UTP6: variants seen among roughly 807,000 people sequenced by gnomAD.
The protein encoded by UTP6 is UTP6 small subunit processome component.
UTP6 carries 60 observed loss-of-function variants against 96.5 expected under a neutral mutation model. The ratio of observed to expected loss-of-function variants is 0.62; its 90% CI spans 0.51 to 0.77. The LOEUF (loss-of-function observed/expected upper bound fraction) is 0.77. Among genes scored for constraint, UTP6 ranks in the 30% least tolerant of loss-of-function variants. UTP6 has a pLI of 0.00. For synonymous variants in UTP6, 215 were observed against 240.1 expected, an observed-to-expected ratio of 0.90 and a Z score of 0.96; for missense variants, 637 against 706.5, an observed-to-expected ratio of 0.90 and a Z score of 1.12.
At chr17:31,871,020 T>C (rs1197172688) in intron 16 of UTP6, among the ~76,000 whole-genome samples, 1 of 145,542 alleles carries the variant, frequency 6.9e-6, no homozygotes, top group Non-Finnish European at 1.5e-5. Context: ...GATGGAGTCT[T>C]GCTCTGTCGC....
At chr17:31,882,451 G>T (rs1910901353) in intron 10 of UTP6, among the ~76,000 whole-genome samples, 1 of 151,662 alleles carries the variant, frequency 6.6e-6, no homozygotes, top group Admixed American at 6.6e-5. Flanking sequence ...CTCCTGAGTA[G>T]CTGGGATTAC....
chr17:31,875,251 CA>C lies in UTP6; in HGVS notation c.1287del (p.Phe429LeufsTer4), dbSNP rs757639933. ...PDIAMLFEEA[F>X]VHLKPQVCLP... ...TCACTGACCTGGGGTTTCAGGTGCA[CA>C]AAGGCTTCTTCAAAAAGCATGGCTA... On this transcript the variant is annotated frameshift_variant, in exon 14 of 19. Transcript: ENST00000261708. LOFTEE classifies it high-confidence loss of function. 2.5e-6 allele frequency: 4 copies of C among 1,613,998 alleles called. No individual in the cohort carries two copies. Among genetic ancestry groups the C allele is most frequent in the South Asian group, 2.2e-5 (2 of 91,074 alleles).
rs1904972687 is a variant in UTP6 at position 31,901,422 on chromosome 17, CCACGT to C, written c.92+109_92+113del. 4.1e-6 allele frequency: 4 copies of C among 973,200 alleles called. No homozygotes were observed. The Admixed American group carries it at 8.6e-5, about 21-fold the overall frequency. 60.3% of individuals were successfully genotyped at this position (973,200 alleles called of 1,614,324 possible). A position where few individuals can be genotyped will look rare whatever the true frequency, so the allele number is the denominator to read the frequency against. On this transcript the variant is annotated intron_variant, in intron 1 of 18. Transcript: ENST00000261708. ...ACCGAAAACGAGAAATGGGCTTCCA[CCACGT>C]TAGGAAAAGTAAACACAGGTCGAGC...
intron 13 of UTP6, among the ~76,000 whole-genome samples, chr17:31,876,707 CAG>C (rs2142300013): frequency 6.6e-6 from 1 of 150,618 alleles, no homozygotes; most frequent in East Asian, 2.0e-4. Context: ...GCTCACCAAA[CAG>C]AGGATGAAAA....
At chr17:31,878,145 T>C (rs1240103532) in intron 13 of UTP6, 105 bp downstream of exon 13, 5 of 1,107,330 alleles carry the variant, frequency 4.5e-6, no homozygotes, top group East Asian at 5.0e-5. Flanking sequence ...AACTCCCAAG[T>C]GGCCTTCATC....
In UTP6 at chr17:31,863,472, C is replaced by G. The variant is rs778282945; in HGVS notation, c.1681G>C (p.Gly561Arg). The G allele has an allele frequency of 1.4e-5, 22 of 1,613,274 alleles. No homozygotes were observed. Among genetic ancestry groups the G allele is most frequent in the Admixed American group, 1.2e-4 (7 of 59,874 alleles). ...ATCTGTCCACAGTTCTCAGGTCTAC[C>G]AAGGGGGTGGTTCAATTCTTCTTTC... The part of the protein sequence containing the change: ...YMKEELNHPL[G>R]RPENCGQIYW... Residue 561 changes from glycine (G) to arginine (R), a missense_variant, in exon 19 of 19, where the codon GGT (glycine) becomes CGT (arginine). By Grantham distance (125) the Gly-to-Arg change is moderately radical. Coordinates refer to ENST00000261708, the MANE Select transcript of UTP6 (RefSeq NM_018428.3).
At chr17:31,880,911 C>T (rs970995695) in intron 10 of UTP6, among the ~76,000 whole-genome samples, 157 bp from the exon 11 acceptor site, 2 of 152,314 alleles carry the variant, frequency 1.3e-5, no homozygotes, top group African/African-American at 4.8e-5. Flanking sequence ...CGGTGGCTCA[C>T]GCCACTGGGA....
intron 6 of UTP6, among the ~76,000 whole-genome samples, chr17:31,891,533 T>C (rs536885127): frequency 2.7e-4 from 41 of 152,260 alleles, no homozygotes; most frequent in Non-Finnish European, 5.4e-4. Flanking sequence ...CCCTCCACTA[T>C]CAACTAGACC....
chr17:31,867,075 A>G (rs1010024223), intron 17 of UTP6, among the ~76,000 whole-genome samples: 11 of 152,170 alleles, frequency 7.2e-5, no homozygotes, highest in African/African-American at 2.2e-4. Flanking sequence ...TCCTTTACAG[A>G]TGAGGATGGG....
chr17:31,880,357 G>C (rs1910749618), intron 11 of UTP6: 1 of 506,120 alleles, frequency 2.0e-6, no homozygotes, highest in South Asian at 2.2e-5. Context: ...GGAGGTGGAG[G>C]TTGCAGTGAG....
intron 7 of UTP6, chr17:31,888,179 C>T (rs1441803799): frequency 6.6e-6 from 1 of 150,882 alleles, no homozygotes; most frequent in Non-Finnish European, 1.5e-5. Flanking sequence ...GAAAAGGAGA[C>T]AGAAAGAACA....
At chr17:31,893,820 G>A (rs192030486) in intron 4 of UTP6, among the ~76,000 whole-genome samples, 5 of 150,282 alleles carry the variant, frequency 3.3e-5, no homozygotes, top group East Asian at 3.9e-4. Context: ...AAAGGCCTCC[G>A]ATCTCTTAAC....
At position 31,861,954 on chromosome 17, in the gene UTP6, A is replaced by C. The variant is rs193056815; in HGVS notation, c.*1405T>G. ...TGGCCAGGGATGTGAACAAAGATTGACAAGAATCTTCATCAACAGCATTTA... is the reference window on the plus strand; with the variant it reads ...TGGCCAGGGATGTGAACAAAGATTGCCAAGAATCTTCATCAACAGCATTTA... On this transcript the variant is annotated 3_prime_UTR_variant, in exon 19 of 19. Coordinates refer to ENST00000261708, the MANE Select transcript of UTP6 (RefSeq NM_018428.3). The C allele has an allele frequency of 6.6e-6, 1 of 152,330 alleles. No homozygotes were observed. Among genetic ancestry groups the C allele is most frequent in the Non-Finnish European group, 1.5e-5 (1 of 68,036 alleles). 9.4% of individuals were successfully genotyped at this position (152,330 alleles called of 1,614,324 possible).
intron 6 of UTP6, among the ~76,000 whole-genome samples, chr17:31,890,796 G>A (rs1214979001): frequency 6.6e-6 from 1 of 151,570 alleles, no homozygotes; most frequent in East Asian, 2.0e-4. Context: ...AGACCAGTCT[G>A]GCCAACATGG....
At chr17:31,870,841 G>A (rs1203820765) in intron 16 of UTP6, among the ~76,000 whole-genome samples, 1 of 150,722 alleles carries the variant, frequency 6.6e-6, no homozygotes, top group Non-Finnish European at 1.5e-5. Flanking sequence ...TTTGAGACAG[G>A]GTCTCACTCT....
chr17:31,892,383 A>C, intron 5 of UTP6, 60 bp from the exon 6 acceptor site: 1 of 1,499,618 alleles, frequency 6.7e-7, no homozygotes, highest in Non-Finnish European at 9.2e-7. Context: ...CTTACTCTCT[A>C]AGTAATATGT....
chr17:31,891,965 G>A (rs1436488100), intron 6 of UTP6, among the ~76,000 whole-genome samples: 2 of 152,358 alleles, frequency 1.3e-5, no homozygotes, highest in Non-Finnish European at 2.9e-5. Context: ...GGAGGTTGCA[G>A]TGAGCCAAGA....
chr17:31,879,749 T>A (rs901431384), intron 11 of UTP6, among the ~76,000 whole-genome samples: 1 of 152,036 alleles, frequency 6.6e-6, no homozygotes, highest in Non-Finnish European at 1.5e-5. Context: ...CCAAAATAGA[T>A]GAACATAAAT....
chr17:31,860,912 G>C lies in UTP6; in HGVS notation c.*2447C>G, dbSNP rs912521546. 2 of 151,340 alleles carry C rather than the reference G, an allele frequency of 1.3e-5. No individual in the cohort carries two copies. The highest frequency in any genetic ancestry group is 4.8e-5 in the African/African-American group (2 of 41,280). The allele number at this position is 151,340 out of a possible 1,614,324, so 9.4% of individuals were successfully genotyped here. ...TCTAAAGTAGACTCTAATACTCATA[G>C]AAATTTAATATATAATAAAGGTAAC... On this transcript the variant is annotated 3_prime_UTR_variant, in exon 19 of 19. Transcript: ENST00000261708.
Sources: allele counts gnomAD v4.1 joint callset (sites outside exome capture counted in the v4.1 genomes callset), GRCh38; gene constraint gnomAD v4.1.1; transcripts MANE v1.5; gene names NCBI Gene and HGNC (gene_info 2026-07-23, HGNC 2026-07-21).